NAV2: variants seen among roughly 807,000 people sequenced by gnomAD.
NAV2 encodes the protein neuron navigator 2.
In NAV2, 54 loss-of-function variants were observed where a neutral mutation model predicts 223.2. That is an observed-to-expected ratio of 0.24 (90% CI 0.19 to 0.30). NAV2 has a LOEUF of 0.30. Ranked by LOEUF, NAV2 falls within the 10% of genes least tolerant of loss-of-function variation. The pLI is 1.00. For synonymous variants in NAV2, 1,279 were observed against 1,239.3 expected (o/e 1.03, Z -0.67); for missense variants, 2,806 against 3,147.5 (o/e 0.89, Z 2.60).
At chr11:20,060,018 G>A (rs1231489354) in intron 19 of NAV2, among the ~76,000 whole-genome samples, 1 of 152,184 alleles carries the variant, frequency 6.6e-6, no homozygotes, top group African/African-American at 2.4e-5. Context: ...CAGCCTTGCT[G>A]TTGCTATTTA....
intron 4 of NAV2, among the ~76,000 whole-genome samples, chr11:19,871,274 C>T (rs751504376): frequency 7.9e-5 from 12 of 152,240 alleles, no homozygotes; most frequent in Non-Finnish European, 1.6e-4. Flanking sequence ...GACTCAGTGA[C>T]GGTCATTTTT....
At chr11:19,359,292 A>G (rs1214442549) in intron 1 of NAV2, among the ~76,000 whole-genome samples, 1 of 152,128 alleles carries the variant, frequency 6.6e-6, no homozygotes, top group African/African-American at 2.4e-5. Flanking sequence ...AACTGTGAAG[A>G]CCCAGTTTTA....
At chr11:19,379,997 A>G (rs75658094) in intron 1 of NAV2, among the ~76,000 whole-genome samples, 3,788 of 151,810 alleles carry the variant, frequency 0.025, 173 homozygotes, top group African/African-American at 0.081. Context: ...TATATAATTA[A>G]TATAATTTAT....
At chr11:19,991,080 AG>A (rs1279294332) in intron 11 of NAV2, among the ~76,000 whole-genome samples, 3 of 152,188 alleles carry the variant, frequency 2.0e-5, no homozygotes, top group Non-Finnish European at 4.4e-5. Flanking sequence ...GAGGTGAATG[AG>A]GGTGGTGAAA....
chr11:19,548,579 A>G (rs531260679), intron 1 of NAV2, among the ~76,000 whole-genome samples: 1 of 152,174 alleles, frequency 6.6e-6, no homozygotes, highest in East Asian at 1.9e-4. Context: ...AAATTTAAAA[A>G]CACTCTTGGC....
At chr11:19,893,804 TTC>T (rs2041715107) in intron 6 of NAV2, among the ~76,000 whole-genome samples, 1 of 152,224 alleles carries the variant, frequency 6.6e-6, no homozygotes, top group Admixed American at 6.5e-5. Flanking sequence ...GTTACTCTTC[TTC>T]TCTCTCTCCT....
rs144240753 is a variant in NAV2 at position 20,092,389 on chromosome 11, G to A, written c.5815+21G>A. ...CCTGGGTGAGTGGCCTACAGGGTTT[G>A]GGGGCAGGAATGGACCTACAGCTGG... On this transcript the variant is annotated intron_variant, in intron 28 of 37. Coordinates refer to ENST00000349880, the MANE Select transcript of NAV2 (RefSeq NM_145117.5). The A allele has an allele frequency of 8.3e-3, 13,293 of 1,600,634 alleles. 78 individuals carry two copies. Among genetic ancestry groups the A allele is most frequent in the Non-Finnish European group, 0.01 (11,795 of 1,170,002 alleles).
intron 1 of NAV2, among the ~76,000 whole-genome samples, chr11:19,397,418 T>TGTGTGTGCAC (rs57566081): frequency 2.8e-5 from 4 of 145,356 alleles, no homozygotes; most frequent in African/African-American, 1.0e-4. Context: ...TGTGTGTGTG[T>TGTGTGTGCAC]GCGCGCATGT....
chr11:19,886,412 G>C (rs1348843491), intron 5 of NAV2, among the ~76,000 whole-genome samples: 1 of 152,210 alleles, frequency 6.6e-6, no homozygotes, highest in Non-Finnish European at 1.5e-5. Flanking sequence ...AGACTCGGTG[G>C]AGGAGGACAA....
At chr11:19,627,642 G>C (rs2047208910) in intron 1 of NAV2, among the ~76,000 whole-genome samples, 1 of 152,086 alleles carries the variant, frequency 6.6e-6, no homozygotes, top group Non-Finnish European at 1.5e-5. Context: ...TAGGTCCTTT[G>C]CCACAGTTAC....
intron 1 of NAV2, among the ~76,000 whole-genome samples, chr11:19,792,757 A>T (rs1484499160): frequency 6.6e-6 from 1 of 152,158 alleles, no homozygotes; most frequent in East Asian, 1.9e-4. Context: ...TTACTGAAGC[A>T]TCATGCCAGA....
intron 1 of NAV2, among the ~76,000 whole-genome samples, chr11:19,439,896 A>G (rs138042929): frequency 2.7e-3 from 407 of 152,354 alleles, no homozygotes; most frequent in African/African-American, 8.5e-3. Flanking sequence ...GGCTGCAGGT[A>G]TAGCCAAGGA....
chr11:19,649,768 A>G lies in NAV2; in HGVS notation c.76-182716A>G, dbSNP rs1464926681. ...AAATAATAAGAAAACAATCAATGCAATTAAAAATTGAACAGAATATTTGAA... is the reference window on the plus strand; with the variant it reads ...AAATAATAAGAAAACAATCAATGCAGTTAAAAATTGAACAGAATATTTGAA... On this transcript the variant is annotated intron_variant, in intron 1 of 37. Coordinates refer to the NAV2 transcript ENST00000360655. Among the ~76,000 whole-genome samples, 5 of 152,356 alleles carry G rather than the reference A, an allele frequency of 3.3e-5. No individual in the cohort carries two copies. In the East Asian group the frequency reaches 9.6e-4, roughly 29 times the overall value.
chr11:19,653,808 G>T (rs2048040416), intron 1 of NAV2, among the ~76,000 whole-genome samples: 1 of 152,106 alleles, frequency 6.6e-6, no homozygotes, highest in Non-Finnish European at 1.5e-5. Context: ...ATTTTCCCAT[G>T]GTAACGCATC....
intron 1 of NAV2, among the ~76,000 whole-genome samples, chr11:19,650,971 A>G (rs1160205997): frequency 6.6e-6 from 1 of 152,228 alleles, no homozygotes; most frequent in East Asian, 1.9e-4. Flanking sequence ...CTCATTTATA[A>G]AAACTCATTG....
At position 20,033,674 on chromosome 11, in the gene NAV2, G is replaced by T. The variant is rs536898437; in HGVS notation, c.2769-2285G>T. Among the ~76,000 whole-genome samples the T allele has an allele frequency of 3.9e-5, 6 of 152,292 alleles. No individual in the cohort carries two copies. The South Asian group carries it at 1.2e-3, about 32-fold the overall frequency. ...GCATTTCTGTGCGATGTTCCAGGTT[G>T]GGTTTTGGAAGCCAAATAGTGTTGA... On this transcript the variant is annotated intron_variant, in intron 11 of 37. Transcript: ENST00000349880.
chr11:19,425,249 T>C (rs987054599), intron 1 of NAV2, among the ~76,000 whole-genome samples: 1 of 152,234 alleles, frequency 6.6e-6, no homozygotes, highest in African/African-American at 2.4e-5. Flanking sequence ...TTGAGTCTCA[T>C]GCAGAAGGAA....
At chr11:19,345,706 G>A in the NAV2 span, among the ~76,000 whole-genome samples, 5 of 152,238 alleles carry the variant, frequency 3.3e-5, no homozygotes, top group East Asian at 7.7e-4. The surrounding 1 kb of genome is among the most constrained non-coding windows in gnomAD (Gnocchi z 5.2). Flanking sequence ...GTGCTCCGAG[G>A]CTGCTCTGCG....
At chr11:19,741,255 C>A (rs1162815165) in intron 1 of NAV2, among the ~76,000 whole-genome samples, 1 of 152,092 alleles carries the variant, frequency 6.6e-6, no homozygotes, top group Non-Finnish European at 1.5e-5. Flanking sequence ...ATATAAGTAT[C>A]TTTATGTGTG....
Sources: allele counts gnomAD v4.1 joint callset (sites outside exome capture counted in the v4.1 genomes callset), GRCh38; gene constraint gnomAD v4.1.1; non-coding constraint Gnocchi (gnomAD v3.1); transcripts MANE v1.5; gene names NCBI Gene and HGNC (gene_info 2026-07-23, HGNC 2026-07-21).